Variants in IFT88 observed in about 807,000 individuals in gnomAD.
IFT88 encodes intraflagellar transport 88, also known as intraflagellar transport protein 88 homolog.
Under a neutral mutation model 119.5 loss-of-function variants are expected in IFT88, and 74 were observed. The observed-to-expected ratio is 0.62, with a 90% CI of 0.51 to 0.75. IFT88 has a LOEUF of 0.75. Among genes scored for constraint, IFT88 ranks in the 30% least tolerant of loss-of-function variants. The pLI is 0.00. For synonymous variants in IFT88, 279 were observed against 316.7 expected, an observed-to-expected ratio of 0.88 and a Z score of 1.26; for missense variants, 961 against 977.7, an observed-to-expected ratio of 0.98 and a Z score of 0.23.
intron 18 of IFT88, 105 bp from the exon 19 acceptor site, chr13:20,643,350 C>T: frequency 2.4e-6 from 2 of 829,086 alleles, no homozygotes; most frequent in Non-Finnish European, 3.8e-6. Flanking sequence ...TATACAATAG[C>T]ACATTACTGT....
At chr13:20,592,279 ATTCTT>A in intron 6 of IFT88, 51 bp from the exon 7 acceptor site, 1 of 1,296,770 alleles carries the variant, frequency 7.7e-7, no homozygotes, top group Non-Finnish European at 1.1e-6. Context: ...ATTTTCATAT[ATTCTT>A]CGATTTTGCT....
chr13:20,663,253 T>C (rs1383513796), intron 22 of IFT88: 2 of 1,447,604 alleles, frequency 1.4e-6, no homozygotes, highest in Non-Finnish European at 9.2e-7. Context: ...CTGTGCCATG[T>C]TCCTTCTAGG....
chr13:20,572,253 CTG>C (rs1169792119), intron 1 of IFT88, among the ~76,000 whole-genome samples: 2 of 152,110 alleles, frequency 1.3e-5, no homozygotes, highest in Non-Finnish European at 2.9e-5. Flanking sequence ...GAGTCTCACT[CTG>C]TCACCCAGGT....
intron 13 of IFT88, chr13:20,607,766 C>T: frequency 2.7e-6 from 2 of 747,898 alleles, no homozygotes; most frequent in Non-Finnish European, 2.5e-6. Flanking sequence ...AATGTCATTG[C>T]CTTCAGCATC....
At chr13:20,687,597 T>G (rs906871748) in intron 24 of IFT88, among the ~76,000 whole-genome samples, 1 of 152,184 alleles carries the variant, frequency 6.6e-6, no homozygotes, top group South Asian at 2.1e-4. Context: ...GCCTTTTAAA[T>G]GACATTTTTG....
At chr13:20,615,951 ATAT>A (rs1197100690) in intron 14 of IFT88, 72 bp downstream of exon 14, 9 of 778,358 alleles carry the variant, frequency 1.2e-5, no homozygotes, top group Non-Finnish European at 1.6e-5. Context: ...ATTTAAATTA[ATAT>A]TGTCATTAGA....
intron 22 of IFT88, among the ~76,000 whole-genome samples, 192 bp downstream of exon 22, chr13:20,656,622 G>A (rs1341212217): frequency 1.3e-5 from 2 of 151,968 alleles, no homozygotes; most frequent in African/African-American, 2.4e-5. Context: ...ACTAATTGTT[G>A]ATGGATTTAA....
At chr13:20,665,066 G>T (rs1232097758) in intron 23 of IFT88, among the ~76,000 whole-genome samples, 1 of 145,610 alleles carries the variant, frequency 6.9e-6, no homozygotes, top group African/African-American at 2.6e-5. Flanking sequence ...GCAACAGAGC[G>T]ACACTCCGTC....
At chr13:20,585,832 T>C (rs2039566222) in intron 3 of IFT88, among the ~76,000 whole-genome samples, 2 of 152,222 alleles carry the variant, frequency 1.3e-5, no homozygotes, top group African/African-American at 4.8e-5. Context: ...TTTAATTCTT[T>C]TACAACCCAT....
chr13:20,592,863 G>A (rs1028249614), intron 7 of IFT88, among the ~76,000 whole-genome samples: 2 of 148,458 alleles, frequency 1.3e-5, no homozygotes, highest in African/African-American at 5.1e-5. Flanking sequence ...AAAAGTTTGT[G>A]TCAGCAGAGT....
At chr13:20,623,183 C>G (rs2046798880) in intron 14 of IFT88, among the ~76,000 whole-genome samples, 1 of 152,172 alleles carries the variant, frequency 6.6e-6, no homozygotes, top group African/African-American at 2.4e-5. Context: ...TGTCTGTCTT[C>G]CTGCCAGTAC....
intron 24 of IFT88, among the ~76,000 whole-genome samples, chr13:20,677,297 G>A (rs959162978): frequency 4.6e-5 from 7 of 152,180 alleles, no homozygotes; most frequent in African/African-American, 1.4e-4. Flanking sequence ...TAGAAGTAGG[G>A]GGTGAGGGTT....
intron 1 of IFT88, among the ~76,000 whole-genome samples, chr13:20,572,510 C>T (rs987478854): frequency 2.0e-5 from 3 of 152,144 alleles, no homozygotes; most frequent in South Asian, 2.1e-4. Flanking sequence ...TGAGCTACGG[C>T]GCCCGGCCTA....
At chr13:20,573,555 A>G (rs1252751153) in intron 1 of IFT88, among the ~76,000 whole-genome samples, 1 of 152,130 alleles carries the variant, frequency 6.6e-6, no homozygotes, top group Non-Finnish European at 1.5e-5. Flanking sequence ...TCTTGAGTAA[A>G]TATTTTTGAG....
intron 17 of IFT88, among the ~76,000 whole-genome samples, chr13:20,639,030 A>G (rs2049458546): frequency 6.6e-6 from 1 of 152,130 alleles, no homozygotes; most frequent in African/African-American, 2.4e-5. Context: ...TCTCACCACC[A>G]TCACATTCTC....
chr13:20,577,350 T>G (rs1443699438), intron 2 of IFT88, among the ~76,000 whole-genome samples: 1 of 152,066 alleles, frequency 6.6e-6, no homozygotes, highest in African/African-American at 2.4e-5. Context: ...ATGCCCTTTA[T>G]TTCTTTCTCT....
intron 1 of IFT88, among the ~76,000 whole-genome samples, chr13:20,571,033 G>A (rs557638540): frequency 2.0e-5 from 3 of 151,790 alleles, no homozygotes; most frequent in South Asian, 4.2e-4. Context: ...TGGCTCTGTC[G>A]CCTAGGCAGG....
At chr13:20,616,812 A>G (rs1021157726) in intron 14 of IFT88, among the ~76,000 whole-genome samples, 1 of 152,234 alleles carries the variant, frequency 6.6e-6, no homozygotes, top group African/African-American at 2.4e-5. Context: ...CCACAAACAC[A>G]TGAGGTGTGA....
chr13:20,652,704 T>TA (rs2051982515), intron 20 of IFT88, among the ~76,000 whole-genome samples: 1 of 152,168 alleles, frequency 6.6e-6, no homozygotes. Context: ...TCATTATACT[T>TA]ACCTTTATAG....
Sources: allele counts gnomAD v4.1 joint callset (sites outside exome capture counted in the v4.1 genomes callset), GRCh38; gene constraint gnomAD v4.1.1; transcripts MANE v1.5; gene names NCBI Gene and HGNC (gene_info 2026-07-23, HGNC 2026-07-21).